Variants in CPS1 observed in about 807,000 individuals in gnomAD.
CPS1 encodes carbamoyl-phosphate synthase 1, also known as carbamoyl-phosphate synthase [ammonia], mitochondrial.
CPS1 carries 109 observed loss-of-function variants against 174.6 expected under a neutral mutation model. The observed-to-expected ratio is 0.62, with a 90% CI of 0.53 to 0.73. CPS1 has a LOEUF of 0.73. Among genes scored for constraint, CPS1 ranks in the 30% least tolerant of loss-of-function variants. CPS1 has a pLI of 0.00. For missense variants in CPS1, 1,689 were observed against 1,821.9 expected (o/e 0.93, Z 1.33); for synonymous variants, 637 against 632.0 (o/e 1.01, Z -0.12).
chr2:210,570,301 A>T (rs945109980), intron 1 of CPS1, among the ~76,000 whole-genome samples: 1 of 151,986 alleles, frequency 6.6e-6, no homozygotes, highest in Admixed American at 6.6e-5. Flanking sequence ...CTCAGGGACT[A>T]TTTCACGCAA....
intron 16 of CPS1, among the ~76,000 whole-genome samples, chr2:210,604,446 G>T (rs1486967699): frequency 6.6e-6 from 1 of 151,764 alleles, no homozygotes; most frequent in African/African-American, 2.4e-5. Flanking sequence ...CCCATTGTGG[G>T]TGTGCCGTAA....
At chr2:210,594,400 ATTAT>A in intron 11 of CPS1, 104 bp from the exon 12 acceptor site, 1 of 750,530 alleles carries the variant, frequency 1.3e-6, no homozygotes. Flanking sequence ...TATAATAAAA[ATTAT>A]TTGTTGCTTA....
At chr2:210,534,256 G>T (rs1327158632) in intron 1 of CPS1, among the ~76,000 whole-genome samples, 1 of 152,200 alleles carries the variant, frequency 6.6e-6, no homozygotes, top group African/African-American at 2.4e-5. Context: ...GCCCTGCAGT[G>T]ATTGATGGAT....
intron 21 of CPS1, among the ~76,000 whole-genome samples, chr2:210,628,973 T>C (rs1044939872): frequency 3.3e-5 from 5 of 152,182 alleles, no homozygotes; most frequent in Non-Finnish European, 7.3e-5. Context: ...GGAGATGTTT[T>C]AAAATATAGG....
chr2:210,676,957 T>G, intron 36 of CPS1, 50 bp from the exon 37 acceptor site: 1 of 1,575,674 alleles, frequency 6.3e-7, no homozygotes, highest in Non-Finnish European at 8.7e-7. Flanking sequence ...TTTTATAAAC[T>G]AACTATAAAA....
At chr2:210,491,783 A>C (rs1239610483) in intron 1 of CPS1, among the ~76,000 whole-genome samples, 1 of 152,168 alleles carries the variant, frequency 6.6e-6, no homozygotes, top group African/African-American at 2.4e-5. Flanking sequence ...TCCTAAGAGG[A>C]ATCTTCTGCT....
In CPS1 at chr2:210,533,751, G is replaced by A. The variant is rs369629799; in HGVS notation, c.4-22968G>A. 7.2e-5 allele frequency among the ~76,000 whole-genome samples: 11 copies of A among 152,230 alleles called. No homozygotes were observed. The East Asian group carries it at 2.1e-3, about 29-fold the overall frequency. ...TAATTCCTAGTTTTGCAGTTTAGAG[G>A]CTTCTTGGATGATCCCTACAGCTGT... is the stretch of plus-strand genomic sequence containing the variant. On this transcript the variant is annotated intron_variant, in intron 1 of 38. Transcript: ENST00000430249.
intron 1 of CPS1, among the ~76,000 whole-genome samples, chr2:210,566,464 T>C (rs1697306538): frequency 6.6e-6 from 1 of 152,206 alleles, no homozygotes; most frequent in African/African-American, 2.4e-5. Context: ...TACAGATTTA[T>C]AGATAGGTAG....
chr2:210,557,436 T>C (rs1261726578), intron 1 of CPS1, among the ~76,000 whole-genome samples: 1 of 151,998 alleles, frequency 6.6e-6, no homozygotes. Context: ...TTTTGTAGAG[T>C]AATACATAGA....
chr2:210,654,894 T>A (rs2105915915), intron 29 of CPS1, among the ~76,000 whole-genome samples: 1 of 152,354 alleles, frequency 6.6e-6, no homozygotes, highest in African/African-American at 2.4e-5. Context: ...TAATGGTATC[T>A]ACTTACAACA....
chr2:210,590,298 C>G (rs2106108056), intron 8 of CPS1, 64 bp downstream of exon 8: 2 of 1,605,932 alleles, frequency 1.2e-6, no homozygotes, highest in Non-Finnish European at 1.7e-6. Context: ...TCTATACCCT[C>G]AAAGGGCTGT....
chr2:210,548,336 C>G (rs942993970), intron 1 of CPS1, among the ~76,000 whole-genome samples: 3 of 152,032 alleles, frequency 2.0e-5, no homozygotes, highest in African/African-American at 7.2e-5. Flanking sequence ...TTAACTTCCT[C>G]ATACCGAGTT....
intron 22 of CPS1, among the ~76,000 whole-genome samples, chr2:210,638,094 G>T (rs1700093807): frequency 6.6e-6 from 1 of 152,080 alleles, no homozygotes; most frequent in Non-Finnish European, 1.5e-5. Context: ...TGGCCTAACT[G>T]AACAAAACAA....
At chr2:210,504,154 A>G (rs1044483143) in intron 1 of CPS1, among the ~76,000 whole-genome samples, 1 of 152,002 alleles carries the variant, frequency 6.6e-6, no homozygotes, top group African/African-American at 2.4e-5. Context: ...AGTGACATAT[A>G]CTGATGGGTC....
At position 210,642,665 on chromosome 2, in the gene CPS1, G is replaced by A; in HGVS notation, c.3141G>A (p.Glu1047=). The change falls in exon 25 of 38, where the codon GAG becomes GAA. Residue 1047 remains glutamate (E), a splice_region_variant and synonymous_variant. Transcript: ENST00000233072. ...LERILDIYHQ[E]ACGGCIISVG... ...GAATCCTAGACATCTACCATCAGGAGGTAAGAAAAGAAAAACAGAAAAAAA... is the reference window on the plus strand; with the variant it reads ...GAATCCTAGACATCTACCATCAGGAAGTAAGAAAAGAAAAACAGAAAAAAA... 1 of 1,613,384 alleles carries A rather than the reference G, an allele frequency of 6.2e-7. No individual in the cohort carries two copies. The highest frequency in any genetic ancestry group is 8.5e-7 in the Non-Finnish European group (1 of 1,179,766).
chr2:210,654,057 A>G lies in CPS1; in HGVS notation c.3513A>G (p.Glu1171=), dbSNP rs750625969. 1 of 1,613,980 alleles carries G rather than the reference A, an allele frequency of 6.2e-7. No individual in the cohort carries two copies. The highest frequency in any genetic ancestry group is 8.5e-7 in the Non-Finnish European group (1 of 1,179,880). The change falls in exon 29 of 38, where the codon GAA becomes GAG. Residue 1171 remains glutamate, a synonymous_variant. Transcript: ENST00000233072. ...CAGTGGTGCTGACAAAATTTGTTGA[A>G]GGGGCCCGAGAAGTAGAAATGGACG... is the stretch of plus-strand genomic sequence containing the variant. ...EHPVVLTKFV[E]GAREVEMDAV...
At chr2:210,674,768 A>C (rs1701464424) in intron 34 of CPS1, 134 bp from the exon 35 acceptor site, 1 of 765,998 alleles carries the variant, frequency 1.3e-6, no homozygotes, top group Non-Finnish European at 2.3e-6. Context: ...AAAAGGATAA[A>C]ACTTGTCATT....
At chr2:210,628,783 G>C (rs918847213) in intron 21 of CPS1, among the ~76,000 whole-genome samples, 8 of 151,504 alleles carry the variant, frequency 5.3e-5, no homozygotes, top group Admixed American at 5.3e-4. Context: ...CTGGGCAACA[G>C]AGTGAGACTC....
intron 1 of CPS1, among the ~76,000 whole-genome samples, chr2:210,572,468 A>T (rs1360375428): frequency 6.6e-6 from 1 of 151,980 alleles, no homozygotes; most frequent in Non-Finnish European, 1.5e-5. Flanking sequence ...TGAGAGTTAG[A>T]TTTAAATGGT....
Sources: gnomAD v4.1 joint callset for allele counts (sites outside exome capture counted in the v4.1 genomes callset) on GRCh38, gnomAD v4.1.1 for gene constraint, MANE v1.5 for transcripts, NCBI Gene and HGNC (gene_info 2026-07-23, HGNC 2026-07-21) for gene names.